Variants in KPNA3 observed in about 807,000 individuals in gnomAD.
KPNA3 encodes karyopherin subunit alpha 3, also known as importin subunit alpha-4.
Under a neutral mutation model 73.8 loss-of-function variants are expected in KPNA3, and 13 were observed. The ratio of observed to expected loss-of-function variants is 0.18; its 90% CI spans 0.11 to 0.28. The LOEUF (loss-of-function observed/expected upper bound fraction) is 0.28. Ranked by LOEUF, KPNA3 falls within the 10% of genes least tolerant of loss-of-function variation. KPNA3 has a pLI of 1.00. For missense variants in KPNA3, 360 were observed against 618.1 expected (o/e 0.58, Z 4.43); for synonymous variants, 186 against 206.9 (o/e 0.90, Z 0.87).
At chr13:49,779,372 T>C (rs1461949365) in intron 1 of KPNA3, among the ~76,000 whole-genome samples, 1 of 151,766 alleles carries the variant, frequency 6.6e-6, no homozygotes, top group African/African-American at 2.4e-5. Flanking sequence ...TCAAAGAAAA[T>C]AGAGGCCACT....
chr13:49,723,483 T>C (rs1167976201), intron 7 of KPNA3, among the ~76,000 whole-genome samples: 1 of 151,842 alleles, frequency 6.6e-6, no homozygotes, highest in Non-Finnish European at 1.5e-5. Flanking sequence ...GGCAGAGAAC[T>C]GCTTGAACCA....
chr13:49,710,746 GA>G (rs962384255), intron 11 of KPNA3, 144 bp downstream of exon 11: 2 of 728,646 alleles, frequency 2.7e-6, no homozygotes, highest in African/African-American at 1.8e-5. Context: ...TAAAGATTTG[GA>G]AATCAACAAA....
At chr13:49,738,641 G>T (rs963716522) in intron 2 of KPNA3, among the ~76,000 whole-genome samples, 1 of 151,916 alleles carries the variant, frequency 6.6e-6, no homozygotes, top group African/African-American at 2.4e-5. Context: ...TTTAATTTTG[G>T]TTTCTGCATG....
In KPNA3 at chr13:49,721,828, C is replaced by A. The variant is rs894290314; in HGVS notation, c.726+127G>T. Reference sequence around the variant, plus strand: ...GAGCAAGACTCCGTTATCAAACAAACAAACAAACAAAAAACTCACACCTGC... The same window carrying A: ...GAGCAAGACTCCGTTATCAAACAAAAAAACAAACAAAAAACTCACACCTGC... On this transcript the variant is annotated intron_variant, in intron 9 of 16. Transcript: ENST00000261667. 10 of 628,904 alleles carry A rather than the reference C, an allele frequency of 1.6e-5. No individual in the cohort carries two copies. The Admixed American group carries it at 2.1e-4, about 13-fold the overall frequency. 39.0% of individuals were successfully genotyped at this position (628,904 alleles called of 1,614,324 possible). A position where few individuals can be genotyped will look rare whatever the true frequency, so the allele number is the denominator to read the frequency against.
intron 1 of KPNA3, among the ~76,000 whole-genome samples, chr13:49,786,416 G>C (rs1954982981): frequency 6.6e-6 from 1 of 152,192 alleles, no homozygotes; most frequent in Non-Finnish European, 1.5e-5. Flanking sequence ...GAAAACACTA[G>C]AGAGGAGGAA....
chr13:49,759,420 G>C, intron 1 of KPNA3, among the ~76,000 whole-genome samples: 1 of 152,214 alleles, frequency 6.6e-6, no homozygotes, highest in East Asian at 1.9e-4. Flanking sequence ...AGTAGAAGGA[G>C]TGGTTTCAGG....
At chr13:49,788,143 A>C (rs1955000348) in intron 1 of KPNA3, among the ~76,000 whole-genome samples, 1 of 152,212 alleles carries the variant, frequency 6.6e-6, no homozygotes, top group Non-Finnish European at 1.5e-5. Flanking sequence ...GTGAAGATTA[A>C]ATAGATAATC....
chr13:49,750,844 T>A (rs1405808727), intron 1 of KPNA3, among the ~76,000 whole-genome samples: 1 of 151,580 alleles, frequency 6.6e-6, no homozygotes, highest in Non-Finnish European at 1.5e-5. Context: ...ATATCAAAAT[T>A]AGCTGGGCAT....
chr13:49,792,578 GGGGGAGGA>G lies in KPNA3; in HGVS notation c.-80_-73del. On this transcript the variant is annotated 5_prime_UTR_variant, in exon 1 of 17. Coordinates refer to ENST00000261667, the MANE Select transcript of KPNA3 (RefSeq NM_002267.4). ...GGCGGCGGCGAATCTTGGAGCGGGA[GGGGGAGGA>G]GGGGGAGAGCGGGAGGGGGGAGGGG... 2.5e-6 allele frequency: 2 copies of G among 805,602 alleles called. No homozygotes were observed. Among genetic ancestry groups the G allele is most frequent in the Non-Finnish European group, 3.9e-6 (2 of 517,800 alleles). The allele number at this position is 805,602 out of a possible 1,614,324, so 49.9% of individuals were successfully genotyped here.
At chr13:49,766,890 AT>A (rs1254769418) in intron 1 of KPNA3, among the ~76,000 whole-genome samples, 1 of 151,924 alleles carries the variant, frequency 6.6e-6, no homozygotes, top group Non-Finnish European at 1.5e-5. Context: ...ATCAACTAGA[AT>A]TTTTTTAAAA....
intron 1 of KPNA3, among the ~76,000 whole-genome samples, chr13:49,768,540 C>G (rs1483315009): frequency 7.0e-6 from 1 of 142,572 alleles, no homozygotes; most frequent in Non-Finnish European, 1.5e-5. Flanking sequence ...TCTCTTCCTG[C>G]CGGCCTGTCT....
At chr13:49,741,992 CCT>C (rs754468601) in intron 2 of KPNA3, among the ~76,000 whole-genome samples, 13 of 152,060 alleles carry the variant, frequency 8.5e-5, no homozygotes, top group Non-Finnish European at 1.5e-4. Context: ...GAGATTTTCC[CCT>C]GTGTTTTCTT....
At chr13:49,773,869 A>C (rs983467606) in intron 1 of KPNA3, among the ~76,000 whole-genome samples, 1 of 152,176 alleles carries the variant, frequency 6.6e-6, no homozygotes, top group Non-Finnish European at 1.5e-5. Flanking sequence ...AGGAAGAAGT[A>C]ACCATATTCT....
At chr13:49,783,348 A>C (rs1460541853) in intron 1 of KPNA3, among the ~76,000 whole-genome samples, 3 of 152,174 alleles carry the variant, frequency 2.0e-5, no homozygotes, top group Non-Finnish European at 1.5e-5. Flanking sequence ...TCTTAACAGC[A>C]AAACTGCAAG....
chr13:49,747,170 A>G (rs544795832), intron 1 of KPNA3, among the ~76,000 whole-genome samples, 177 bp from the exon 2 acceptor site: 1 of 151,648 alleles, frequency 6.6e-6, no homozygotes, highest in Non-Finnish European at 1.5e-5. Flanking sequence ...GGCGAAACCT[A>G]GTCTCTACTA....
At chr13:49,783,617 T>C (rs1335561262) in intron 1 of KPNA3, among the ~76,000 whole-genome samples, 1 of 152,204 alleles carries the variant, frequency 6.6e-6, no homozygotes, top group Non-Finnish European at 1.5e-5. Flanking sequence ...TGAGGAGTGG[T>C]GTCAGTCATA....
rs141145332 is a variant in KPNA3, at chr13:49,754,154, G to A, written c.70-7161C>T. 7.9e-5 allele frequency among the ~76,000 whole-genome samples: 12 copies of A among 152,046 alleles called. No homozygotes were observed. In the East Asian group the frequency reaches 1.4e-3, roughly 17 times the overall value. ...TCTACTAAAAATACAAAAAATAGCC[G>A]GGTGTGGTGGTTGCACCTGTAATCC... On this transcript the variant is annotated intron_variant, in intron 1 of 16. Transcript: ENST00000261667.
chr13:49,788,536 T>G (rs948318934), intron 1 of KPNA3, among the ~76,000 whole-genome samples: 4 of 151,948 alleles, frequency 2.6e-5, no homozygotes, highest in Non-Finnish European at 4.4e-5. Context: ...CTGGGCAACA[T>G]GGCAAAACCC....
intron 2 of KPNA3, among the ~76,000 whole-genome samples, chr13:49,738,376 C>T (rs1197738260): frequency 2.0e-5 from 3 of 152,134 alleles, no homozygotes; most frequent in Non-Finnish European, 4.4e-5. Flanking sequence ...AAATGTCTAT[C>T]TATGTCCACA....
Sources: gnomAD v4.1 joint callset for allele counts (sites outside exome capture counted in the v4.1 genomes callset) on GRCh38, gnomAD v4.1.1 for gene constraint, MANE v1.5 for transcripts, NCBI Gene and HGNC (gene_info 2026-07-23, HGNC 2026-07-21) for gene names.